Variants in CYSLTR2 observed in about 807,000 individuals in gnomAD.
The protein encoded by CYSLTR2 is G-protein coupled receptor GPCR21.
For missense variants in CYSLTR2, 398 were observed against 411.9 expected, an observed-to-expected ratio of 0.97 and a Z score of 0.29; for synonymous variants, 179 against 160.8, an observed-to-expected ratio of 1.11 and a Z score of -0.86.
chr13:48,695,266 C>A (rs758820823), intron 3 of CYSLTR2, among the ~76,000 whole-genome samples: 3 of 149,276 alleles, frequency 2.0e-5, no homozygotes, highest in Non-Finnish European at 4.4e-5. Flanking sequence ...TTTTTTTTTC[C>A]TTTTCTTTTT....
At chr13:48,658,632 C>A (rs1376969264) in intron 1 of CYSLTR2, among the ~76,000 whole-genome samples, 1 of 152,152 alleles carries the variant, frequency 6.6e-6, no homozygotes, top group African/African-American at 2.4e-5. Flanking sequence ...ATGGAGGGAT[C>A]AGAGAAGACT....
intron 1 of CYSLTR2, among the ~76,000 whole-genome samples, chr13:48,684,607 G>A (rs2138909975): frequency 6.6e-6 from 1 of 152,142 alleles, no homozygotes; most frequent in Admixed American, 6.5e-5. Context: ...AGCACACACA[G>A]TGTCTCAACC....
chr13:48,707,456 AT>A lies in CYSLTR2; in HGVS notation c.644del (p.Phe215SerfsTer9). 6.2e-7 allele frequency: 1 copy of A among 1,613,880 alleles called. No individual in the cohort carries two copies. The highest frequency in any genetic ancestry group is 8.5e-7 in the Non-Finnish European group (1 of 1,180,020). On this transcript the variant is annotated frameshift_variant, in exon 5 of 5. Coordinates refer to ENST00000682523, the MANE Select transcript of CYSLTR2 (RefSeq NM_001308476.3). LOFTEE classifies it low-confidence loss of function (END_TRUNC). Reference protein sequence around the residue: ...IALVVGCLLPFFTLSICYLLI... With the variant: ...IALVVGCLLPXFTLSICYLLI... Reference sequence around the variant, plus strand: ...CCTTGGTGGTGGGCTGCCTGCTGCCATTTTTCACACTCAGCATCTGTTATCT... The same window carrying A: ...CCTTGGTGGTGGGCTGCCTGCTGCCATTTTCACACTCAGCATCTGTTATCT...
intron 1 of CYSLTR2, among the ~76,000 whole-genome samples, chr13:48,672,896 A>G (rs1272940486): frequency 1.3e-5 from 2 of 152,114 alleles, no homozygotes. Context: ...GATTACAGGC[A>G]TGAGCCACTG....
intron 1 of CYSLTR2, among the ~76,000 whole-genome samples, chr13:48,669,533 A>T (rs117837662): frequency 4.0e-5 from 6 of 150,982 alleles, no homozygotes; most frequent in African/African-American, 4.9e-5. Context: ...ATGGTGTTTG[A>T]TTTTCTGTTC....
At chr13:48,667,391 GGGCATGCC>G (rs1391588902) in intron 1 of CYSLTR2, among the ~76,000 whole-genome samples, 1 of 152,226 alleles carries the variant, frequency 6.6e-6, no homozygotes, top group Non-Finnish European at 1.5e-5. Context: ...GGGGGGTGGA[GGGCATGCC>G]TGCCAGGAGT....
At chr13:48,689,253 T>G (rs1310192432) in intron 1 of CYSLTR2, among the ~76,000 whole-genome samples, 5 of 152,236 alleles carry the variant, frequency 3.3e-5, no homozygotes, top group Non-Finnish European at 7.3e-5. Context: ...AGAAGCTCTT[T>G]AGTTTAATTA....
intron 1 of CYSLTR2, among the ~76,000 whole-genome samples, chr13:48,688,926 C>A (rs1247588801): frequency 6.6e-6 from 1 of 152,174 alleles, no homozygotes. Context: ...TCTGTTGCTT[C>A]CTGACTTTTT....
chr13:48,654,302 T>TGA (rs1566076356), intron 1 of CYSLTR2, among the ~76,000 whole-genome samples: 7 of 51,092 alleles, frequency 1.4e-4, no homozygotes, highest in South Asian at 1.1e-3. Flanking sequence ...TGTGTGTGTG[T>TGA]GTGAGTGTGT....
intron 2 of CYSLTR2, among the ~76,000 whole-genome samples, chr13:48,691,751 A>G (rs1954045168): frequency 1.3e-5 from 2 of 152,120 alleles, no homozygotes; most frequent in Non-Finnish European, 2.9e-5. Context: ...TATTACAGTA[A>G]TCTTTGTGCT....
chr13:48,708,403 T>G lies in CYSLTR2; in HGVS notation c.*545T>G. ...CAGTGAGAGAAAAGGGGGAGAAGGA[T>G]TGGAGCAAAAGAGAACTGGCAATAA... is the stretch of plus-strand genomic sequence containing the variant. On this transcript the variant is annotated 3_prime_UTR_variant, in exon 5 of 5. Transcript: ENST00000682523. The G allele has an allele frequency of 6.0e-6, 1 of 167,294 alleles. No homozygotes were observed. Among genetic ancestry groups the G allele is most frequent in the East Asian group, 1.9e-4 (1 of 5,200 alleles). The allele number at this position is 167,294 out of a possible 1,614,324, so 10.4% of individuals were successfully genotyped here.
rs1472982516 is a variant in CYSLTR2 at position 48,684,099 on chromosome 13, C to CT, written c.-265-7108dup. 2.0e-5 allele frequency among the ~76,000 whole-genome samples: 3 copies of CT among 151,604 alleles called. No individual in the cohort carries two copies. In the East Asian group the frequency reaches 5.8e-4, roughly 29 times the overall value. ...ATACCTGGCTAATTTTTTTAAATTA[C>CT]TTTTTGTAGAGATCGGGGGGGGTCT... On this transcript the variant is annotated intron_variant, in intron 1 of 4. Transcript: ENST00000682523.
Position 48,709,365 on chromosome 13 carries a change from A to T in CYSLTR2, c.*1507A>T, listed in dbSNP as rs191388414. ...CTAAGTCAGTCATCATACTAAACAAAAATCCCAGTACCCTTTCCTTATTTA... is the reference window on the plus strand; with the variant it reads ...CTAAGTCAGTCATCATACTAAACAATAATCCCAGTACCCTTTCCTTATTTA... On this transcript the variant is annotated 3_prime_UTR_variant, in exon 5 of 5. Coordinates refer to ENST00000682523, the MANE Select transcript of CYSLTR2 (RefSeq NM_001308476.3). 12 of 167,216 alleles carry T rather than the reference A, an allele frequency of 7.2e-5. No individual in the cohort carries two copies. Among genetic ancestry groups the T allele is most frequent in the Non-Finnish European group, 1.6e-4 (11 of 68,136 alleles). The allele number at this position is 167,216 out of a possible 1,614,324, so 10.4% of individuals were successfully genotyped here.
At chr13:48,679,604 T>G (rs1953695161) in intron 1 of CYSLTR2, among the ~76,000 whole-genome samples, 1 of 152,198 alleles carries the variant, frequency 6.6e-6, no homozygotes, top group Non-Finnish European at 1.5e-5. Flanking sequence ...AGAGCTGTTA[T>G]CAAGTAAGAG....
intron 4 of CYSLTR2, among the ~76,000 whole-genome samples, chr13:48,697,681 G>T (rs1441163899): frequency 2.0e-5 from 3 of 152,238 alleles, no homozygotes; most frequent in African/African-American, 7.2e-5. Flanking sequence ...AGAGTTGAGA[G>T]AAGAAGGCTT....
intron 1 of CYSLTR2, among the ~76,000 whole-genome samples, chr13:48,671,799 A>G (rs1328748532): frequency 6.6e-6 from 1 of 152,064 alleles, no homozygotes; most frequent in East Asian, 1.9e-4. Flanking sequence ...TCATAAAATG[A>G]GTTAGGGAGA....
chr13:48,679,566 T>C (rs1953694337), intron 1 of CYSLTR2, among the ~76,000 whole-genome samples: 2 of 152,182 alleles, frequency 1.3e-5, no homozygotes, highest in African/African-American at 4.8e-5. Flanking sequence ...GGTCTTCTTA[T>C]CTATAAAATG....
Position 48,707,548 on chromosome 13 carries a change from A to G in CYSLTR2, c.731A>G (p.Lys244Arg). 6.2e-7 allele frequency: 1 copy of G among 1,608,400 alleles called. No homozygotes were observed. Among genetic ancestry groups the G allele is most frequent in the African/African-American group, 1.3e-5 (1 of 75,022 alleles). Residue 244 changes from lysine (K) to arginine (R), a missense_variant, in exon 5 of 5, where the codon AAG (lysine) becomes AGG (arginine). By Grantham distance (26) the Lys-to-Arg change is conservative. Transcript: ENST00000682523. ...PESGLRVSHRKALTTIIITLI... is the reference protein window; with the variant it reads ...PESGLRVSHRRALTTIIITLI... ...TCGGGGCTGCGGGTTTCTCACAGGA[A>G]GGCACTGACCACCATCATCATCACC...
intron 1 of CYSLTR2, among the ~76,000 whole-genome samples, chr13:48,666,714 T>C: frequency 6.6e-6 from 1 of 152,182 alleles, no homozygotes; most frequent in Non-Finnish European, 1.5e-5. Context: ...TTTCATTCAA[T>C]GAATTCTTCA....
Sources: allele counts gnomAD v4.1 joint callset (sites outside exome capture counted in the v4.1 genomes callset), GRCh38; gene constraint gnomAD v4.1.1; transcripts MANE v1.5; gene names NCBI Gene and HGNC (gene_info 2026-07-23, HGNC 2026-07-21).